CARD10: variants seen among roughly 807,000 people sequenced by gnomAD.
CARD10 encodes the protein caspase recruitment domain-containing protein 10.
CARD10 carries 49 observed loss-of-function variants against 114.6 expected under a neutral mutation model. The ratio of observed to expected loss-of-function variants is 0.43; its 90% CI spans 0.34 to 0.54. The LOEUF is 0.54. Ranked by LOEUF, CARD10 falls within the 20% of genes least tolerant of loss-of-function variation. CARD10 has a pLI of 0.03. For missense variants in CARD10, 1,206 were observed against 1,397.2 expected (o/e 0.86, Z 2.18); for synonymous variants, 602 against 593.2 (o/e 1.01, Z -0.21).
rs1038912602 is a variant in CARD10, at chr22:37,496,881, G to A, written c.1947+138C>T. On this transcript the variant is annotated intron_variant, in intron 12 of 19. Coordinates refer to ENST00000251973, the MANE Select transcript of CARD10 (RefSeq NM_014550.4). This position sits in a 1 kb window ranked among gnomAD's most constrained non-coding sequence, Gnocchi z 4.1. ...AAGCCTGGCTGAGCAGGCAACCACA[G>A]CTAATCACTGAGCCCGCTTCGGCTT... 1 of 1,070,730 alleles carries A rather than the reference G, an allele frequency of 9.3e-7. No individual in the cohort carries two copies. The highest frequency in any genetic ancestry group is 1.3e-6 in the Non-Finnish European group (1 of 741,626). 66.3% of individuals were successfully genotyped at this position (1,070,730 alleles called of 1,614,324 possible). A position where few individuals can be genotyped will look rare whatever the true frequency, so the allele number is the denominator to read the frequency against.
At chr22:37,497,405 G>A (rs1158297973) in intron 11 of CARD10, among the ~76,000 whole-genome samples, 6 of 152,126 alleles carry the variant, frequency 3.9e-5, no homozygotes, top group Non-Finnish European at 8.8e-5. Flanking sequence ...TGGGCACACG[G>A]TGCAGTGGAG....
At chr22:37,493,621 CCT>C (rs567311053) in intron 16 of CARD10, among the ~76,000 whole-genome samples, 308 of 152,224 alleles carry the variant, frequency 2.0e-3, no homozygotes, top group African/African-American at 7.1e-3. Context: ...GCGGAAACTC[CCT>C]CTCTTCCAGG....
intron 16 of CARD10, among the ~76,000 whole-genome samples, chr22:37,493,146 T>A (rs1922868610): frequency 6.6e-6 from 1 of 152,168 alleles, no homozygotes. Context: ...GACACAGTCC[T>A]GCCTGAGAGC....
At chr22:37,499,743 G>T (rs981290063) in intron 11 of CARD10, among the ~76,000 whole-genome samples, 1 of 152,070 alleles carries the variant, frequency 6.6e-6, no homozygotes, top group African/African-American at 2.4e-5. Flanking sequence ...GCACTCCTCG[G>T]AGTCTGCAGA....
In CARD10 at chr22:37,491,027, G is replaced by C. The variant is rs1922749885; in HGVS notation, c.*132C>G. The C allele has an allele frequency of 1.4e-6, 1 of 720,392 alleles. No homozygotes were observed. Among genetic ancestry groups the C allele is most frequent in the East Asian group, 2.8e-5 (1 of 36,132 alleles). 44.6% of individuals were successfully genotyped at this position (720,392 alleles called of 1,614,324 possible). The stretch of plus-strand genomic sequence containing the variant: ...GGGCCAGAGACAGCCTTGGGGGTGA[G>C]AGGCCAGAGCCAAGGGCCCTGCATC... On this transcript the variant is annotated 3_prime_UTR_variant, in exon 20 of 20. Coordinates refer to ENST00000251973, the MANE Select transcript of CARD10 (RefSeq NM_014550.4).
intron 4 of CARD10, among the ~76,000 whole-genome samples, chr22:37,509,580 C>T (rs1462888100): frequency 6.6e-6 from 1 of 152,084 alleles, no homozygotes; most frequent in South Asian, 2.1e-4. Flanking sequence ...CTGACCCCCA[C>T]CCCCACTCCA....
rs2145767306 is a variant in CARD10, at chr22:37,507,689, G to T, written c.1191+140C>A. 3 of 1,055,350 alleles carry T rather than the reference G, an allele frequency of 2.8e-6. 1 individual carries two copies. The Middle Eastern group carries it at 6.3e-4, about 222-fold the overall frequency. 65.4% of individuals were successfully genotyped at this position (1,055,350 alleles called of 1,614,324 possible). A position where few individuals can be genotyped will look rare whatever the true frequency, so the allele number is the denominator to read the frequency against. On this transcript the variant is annotated intron_variant, in intron 6 of 19. Coordinates refer to ENST00000251973, the MANE Select transcript of CARD10 (RefSeq NM_014550.4). ...CCAGGTCTCCTGTCTGGTTCCCCCAGCCTTTGTGCCCCGTCCTAACCCAAC... is the reference window on the plus strand; with the variant it reads ...CCAGGTCTCCTGTCTGGTTCCCCCATCCTTTGTGCCCCGTCCTAACCCAAC...
In CARD10 at chr22:37,496,528, C is replaced by T. The variant is rs769110685; in HGVS notation, c.1980G>A (p.Ala660=). The T allele has an allele frequency of 8.1e-6, 13 of 1,613,636 alleles. No homozygotes were observed. The highest frequency in any genetic ancestry group is 3.3e-5 in the South Asian group (3 of 91,074). The stretch of plus-strand genomic sequence containing the variant: ...TCTGCTGGGCCTCGGCTTCCAGGCA[C>T]GCCCCCTCCAGACCAGCAGCTTCCA... ...QRVEAAGLEG[A]CLEAEAQQRT... Residue 660 remains alanine (A), a synonymous_variant, in exon 13 of 20, where the codon GCG becomes GCA. Coordinates refer to ENST00000251973, the MANE Select transcript of CARD10 (RefSeq NM_014550.4). This position sits in a 1 kb window ranked among gnomAD's most constrained non-coding sequence, Gnocchi z 4.1.
chr22:37,519,099 G>T lies in CARD10; in HGVS notation c.102C>A (p.Val34=), dbSNP rs752862134. 5 of 1,589,304 alleles carry T rather than the reference G, an allele frequency of 3.1e-6. No individual in the cohort carries two copies. In the African/African-American group the frequency reaches 6.7e-5, roughly 21 times the overall value. Residue 34 remains valine (V), a synonymous_variant, in exon 1 of 20, where the codon GTC becomes GTA. Coordinates refer to ENST00000251973, the MANE Select transcript of CARD10 (RefSeq NM_014550.4). This position sits in a 1 kb window ranked among gnomAD's most constrained non-coding sequence, Gnocchi z 4.1. ...EDALWERIEG[V]RHRLARALNP... ...TCAGGGCGCGAGCCAGCCGATGCCG[G>T]ACGCCCTCGATTCGCTCCCACAGCG...
intron 11 of CARD10, among the ~76,000 whole-genome samples, chr22:37,497,900 G>A (rs1427902742): frequency 6.6e-6 from 1 of 151,880 alleles, no homozygotes; most frequent in East Asian, 1.9e-4. Flanking sequence ...TGAGGAGGGA[G>A]GTCACCATTA....
chr22:37,514,797 T>G (rs738301), intron 3 of CARD10: 75,848 of 151,964 alleles, frequency 0.5, 20,057 homozygotes, highest in African/African-American at 0.69. Context: ...CCGTGCGGCC[T>G]GCACTGCTAA....
rs1922754856 is a variant in CARD10, at chr22:37,491,151, G to A, written c.*8C>T. 6.5e-7 allele frequency: 1 copy of A among 1,546,354 alleles called. No individual in the cohort carries two copies. Among genetic ancestry groups the A allele is most frequent in the African/African-American group, 1.4e-5 (1 of 73,300 alleles). Reference sequence around the variant, plus strand: ...GCTTGGGGAGAAGGTGCAGGTATCAGATGAGCCTCAGGCCTCACTGCTGCT... The same window carrying A: ...GCTTGGGGAGAAGGTGCAGGTATCAAATGAGCCTCAGGCCTCACTGCTGCT... On this transcript the variant is annotated 3_prime_UTR_variant, in exon 20 of 20. Transcript: ENST00000251973.
At chr22:37,500,046 G>C (rs1923156187) in intron 11 of CARD10, among the ~76,000 whole-genome samples, 2 of 152,218 alleles carry the variant, frequency 1.3e-5, no homozygotes, top group African/African-American at 2.4e-5. Context: ...TGGCCTCAAT[G>C]AATGTCCCCC....
At chr22:37,512,465 CCACACACACACACACACACACACACACA>C (rs36080549) in intron 3 of CARD10, among the ~76,000 whole-genome samples, 4 of 113,774 alleles carry the variant, frequency 3.5e-5, no homozygotes, top group African/African-American at 1.2e-4. Context: ...AGCCCCCCCT[CCACACACACACACACACACACACACACA>C]CACACACACA....
chr22:37,493,433 T>C (rs1205452896), intron 16 of CARD10, among the ~76,000 whole-genome samples: 4 of 152,184 alleles, frequency 2.6e-5, no homozygotes, highest in African/African-American at 9.7e-5. Context: ...TCTGACTCTC[T>C]ACCCCCTAAT....
chr22:37,509,206 C>T lies in CARD10; in HGVS notation c.910-524G>A, dbSNP rs1923525044. ...CCCCACTTCCTGTGTGGAACAATGGCCAGGAGGCAGGCCCATGCAGCTGCT... is the reference window on the plus strand; with the variant it reads ...CCCCACTTCCTGTGTGGAACAATGGTCAGGAGGCAGGCCCATGCAGCTGCT... On this transcript the variant is annotated intron_variant, in intron 4 of 19. Coordinates refer to ENST00000251973, the MANE Select transcript of CARD10 (RefSeq NM_014550.4). 22 of 1,383,490 alleles carry T rather than the reference C, an allele frequency of 1.6e-5. No individual in the cohort carries two copies. The South Asian group carries it at 3.5e-4, about 22-fold the overall frequency. 85.7% of individuals were successfully genotyped at this position (1,383,490 alleles called of 1,614,324 possible).
rs1026591568 is a variant in CARD10, at chr22:37,492,967, T to C, written c.2477-165A>G. 2.0e-5 allele frequency among the ~76,000 whole-genome samples: 3 copies of C among 152,032 alleles called. No homozygotes were observed. The highest frequency in any genetic ancestry group is 4.8e-5 in the African/African-American group (2 of 41,382). On this transcript the variant is annotated intron_variant, in intron 16 of 19. Coordinates refer to ENST00000251973, the MANE Select transcript of CARD10 (RefSeq NM_014550.4). The surrounding 1 kb of genome is among the most constrained non-coding windows in gnomAD (Gnocchi z 5.7). ...CCCTTAGTAGGACCGACGGTGGCAG[T>C]AGGCTCCTCCCTGATTCTCTGCCTC... is the stretch of plus-strand genomic sequence containing the variant.
At chr22:37,515,456 G>A (rs539901358) in intron 3 of CARD10, among the ~76,000 whole-genome samples, 29 of 151,706 alleles carry the variant, frequency 1.9e-4, no homozygotes, top group South Asian at 6.2e-4. Context: ...CCAGCTACCC[G>A]GGAAGCTGAG....
rs1396267344 is a variant in CARD10, at chr22:37,503,917, A to G, written c.1634+269T>C. The stretch of plus-strand genomic sequence containing the variant: ...CATCAAGCTTCTCCTTGGGTATAGG[A>G]TCTTCAAGGCTTGACCCCCAGTGAC... On this transcript the variant is annotated intron_variant, in intron 9 of 19. Transcript: ENST00000251973. 6.4e-6 allele frequency: 4 copies of G among 624,834 alleles called. No individual in the cohort carries two copies. In the East Asian group the frequency reaches 1.3e-4, roughly 20 times the overall value. The allele number at this position is 624,834 out of a possible 1,614,324, so 38.7% of individuals were successfully genotyped here. A position where few individuals can be genotyped will look rare whatever the true frequency, so the allele number is the denominator to read the frequency against.
Sources: allele counts gnomAD v4.1 joint callset (sites outside exome capture counted in the v4.1 genomes callset), GRCh38; gene constraint gnomAD v4.1.1; non-coding constraint Gnocchi (gnomAD v3.1); transcripts MANE v1.5; gene names NCBI Gene and HGNC (gene_info 2026-07-23, HGNC 2026-07-21).